Variants in CACNB2 observed in about 807,000 individuals in gnomAD.
CACNB2 encodes the protein voltage-dependent L-type calcium channel subunit beta-2.
CACNB2 carries 42 observed loss-of-function variants against 73.3 expected under a neutral mutation model. The observed-to-expected ratio is 0.57, with a 90% CI of 0.45 to 0.74. The LOEUF (loss-of-function observed/expected upper bound fraction) is 0.74. Among genes scored for constraint, CACNB2 ranks in the 30% least tolerant of loss-of-function variants. CACNB2 has a pLI of 0.00. For synonymous variants in CACNB2, 348 were observed against 310.3 expected (o/e 1.12, Z -1.28); for missense variants, 940 against 853.0 (o/e 1.10, Z -1.27).
intron 3 of CACNB2, 120 bp downstream of exon 3, chr10:18,402,163 T>C: frequency 8.6e-7 from 1 of 1,163,360 alleles, no homozygotes. Flanking sequence ...TGTCTGGTTT[T>C]AGAAAGGTAC....
intron 9 of CACNB2, among the ~76,000 whole-genome samples, chr10:18,526,490 G>A (rs1164068381): frequency 6.6e-6 from 1 of 152,174 alleles, no homozygotes; most frequent in Non-Finnish European, 1.5e-5. Flanking sequence ...AACTGAAACA[G>A]ACTTTTGAAC....
chr10:18,376,357 G>A (rs1228388039), intron 2 of CACNB2, among the ~76,000 whole-genome samples: 3 of 152,184 alleles, frequency 2.0e-5, no homozygotes, highest in African/African-American at 7.2e-5. Flanking sequence ...GGGAAAGGTT[G>A]TGGTAGGGGC....
rs536461501 is a variant in CACNB2 at position 18,530,417 on chromosome 10, G to A, written c.1054+2720G>A. On this transcript the variant is annotated intron_variant, in intron 10 of 13. Coordinates refer to ENST00000324631, the MANE Select transcript of CACNB2 (RefSeq NM_201596.3). ...AGACAGAGATGGCTGGTCAGTGGTT[G>A]AGAATTCTAAAAGCAGCAGCAGACC... Among the ~76,000 whole-genome samples the A allele has an allele frequency of 2.6e-5, 4 of 151,316 alleles. No individual in the cohort carries two copies. The South Asian group carries it at 8.4e-4, about 32-fold the overall frequency.
At chr10:18,503,321 G>A (rs549111551) in intron 5 of CACNB2, among the ~76,000 whole-genome samples, 1 of 152,302 alleles carries the variant, frequency 6.6e-6, no homozygotes, top group South Asian at 2.1e-4. Flanking sequence ...TTATGGCCAA[G>A]CACGGTGGCT....
intron 2 of CACNB2, chr10:18,400,967 T>C (rs1278495654): frequency 6.2e-7 from 1 of 1,611,812 alleles, no homozygotes; most frequent in African/African-American, 1.3e-5. Context: ...TCTCCGGGGC[T>C]CAGCGCGCAC....
intron 2 of CACNB2, among the ~76,000 whole-genome samples, chr10:18,201,523 C>G (rs1273961564): frequency 6.6e-6 from 1 of 152,170 alleles, no homozygotes; most frequent in Admixed American, 6.5e-5. Flanking sequence ...GATCCTCCCA[C>G]CTTGGCCTCC....
intron 2 of CACNB2, among the ~76,000 whole-genome samples, chr10:18,171,934 A>T (rs187012294): frequency 6.6e-6 from 1 of 152,120 alleles, no homozygotes; most frequent in Non-Finnish European, 1.5e-5. Flanking sequence ...ACATTTCATA[A>T]ATACTCTGTT....
intron 12 of CACNB2, 35 bp downstream of exon 12, chr10:18,536,231 C>CAG: frequency 1.9e-6 from 1 of 518,326 alleles, no homozygotes; most frequent in South Asian, 1.7e-5. Context: ...AATCCAGTTA[C>CAG]AGAGATCAGA....
In CACNB2 at chr10:18,295,532, C is replaced by T. The variant is rs144832841; in HGVS notation, c.214-106392C>T. On this transcript the variant is annotated intron_variant, in intron 2 of 13. Transcript: ENST00000324631. ...CCTCCCAGTGTTCCATATCTATGGT[C>T]CTACATATAACAATGATTACTTGTA... is the stretch of plus-strand genomic sequence containing the variant. Among the ~76,000 whole-genome samples, 764 of 152,260 alleles carry T rather than the reference C, an allele frequency of 5.0e-3. 10 individuals carry two copies. Among genetic ancestry groups the T allele is most frequent in the African/African-American group, 0.016 (650 of 41,554 alleles).
At chr10:18,322,700 C>T (rs555594926) in intron 2 of CACNB2, among the ~76,000 whole-genome samples, 2 of 152,108 alleles carry the variant, frequency 1.3e-5, no homozygotes, top group Admixed American at 1.3e-4. Flanking sequence ...AGATGATTGT[C>T]AAAACATGAC....
chr10:18,458,999 A>G (rs2047426766), intron 3 of CACNB2, among the ~76,000 whole-genome samples: 1 of 152,054 alleles, frequency 6.6e-6, no homozygotes, highest in African/African-American at 2.4e-5. Context: ...TCCTCACCTC[A>G]GGTCATCTCC....
chr10:18,288,605 G>A lies in CACNB2; in HGVS notation c.214-113319G>A, dbSNP rs181366938. Among the ~76,000 whole-genome samples, 30 of 151,664 alleles carry A rather than the reference G, an allele frequency of 2.0e-4. No individual in the cohort carries two copies. The East Asian group carries it at 5.4e-3, about 27-fold the overall frequency. On this transcript the variant is annotated intron_variant, in intron 2 of 13. Coordinates refer to ENST00000324631, the MANE Select transcript of CACNB2 (RefSeq NM_201596.3). ...AACCACAATTATTGAACAACCATGAGTACTGTATTCCCTGAGGAGAAAAAA... is the reference window on the plus strand; with the variant it reads ...AACCACAATTATTGAACAACCATGAATACTGTATTCCCTGAGGAGAAAAAA...
intron 7 of CACNB2, among the ~76,000 whole-genome samples, chr10:18,516,308 C>T (rs1454477068): frequency 6.6e-6 from 1 of 152,084 alleles, no homozygotes; most frequent in African/African-American, 2.4e-5. Context: ...GCACAAAGCA[C>T]CAATATTCCA....
intron 3 of CACNB2, among the ~76,000 whole-genome samples, chr10:18,480,171 C>A (rs1025808511): frequency 6.6e-6 from 1 of 151,874 alleles, no homozygotes; most frequent in African/African-American, 2.4e-5. Flanking sequence ...CATTTTTTTC[C>A]AAGGGTTTTT....
At chr10:18,264,420 C>T (rs745449866) in intron 2 of CACNB2, among the ~76,000 whole-genome samples, 3 of 152,150 alleles carry the variant, frequency 2.0e-5, no homozygotes, top group Non-Finnish European at 2.9e-5. Context: ...AAGCATTGAG[C>T]TTGAAGAATG....
At chr10:18,198,060 A>C (rs1431672321) in intron 2 of CACNB2, among the ~76,000 whole-genome samples, 1 of 148,090 alleles carries the variant, frequency 6.8e-6, no homozygotes, top group African/African-American at 2.5e-5. Flanking sequence ...TAAATAATAA[A>C]TGTTAATGTA....
At chr10:18,288,254 T>C (rs1297688937) in intron 2 of CACNB2, among the ~76,000 whole-genome samples, 1 of 152,202 alleles carries the variant, frequency 6.6e-6, no homozygotes, top group East Asian at 1.9e-4. Context: ...ATCAGAACAT[T>C]GTAATTCAAA....
chr10:18,310,276 G>A (rs538835278), intron 2 of CACNB2, among the ~76,000 whole-genome samples: 4 of 152,118 alleles, frequency 2.6e-5, no homozygotes, highest in South Asian at 4.2e-4. Context: ...TAGGTTTACT[G>A]TGTTGATAAA....
In CACNB2 at chr10:18,246,417, T is replaced by G. The variant is rs543578148; in HGVS notation, c.213+95442T>G. Among the ~76,000 whole-genome samples the G allele has an allele frequency of 5.3e-5, 8 of 152,224 alleles. No individual in the cohort carries two copies. In the South Asian group the frequency reaches 1.7e-3, roughly 32 times the overall value. ...TCTCTCTTTCTTTTAAAAAAAAACA[T>G]TTTTACAATGTCTTCTCTACTTCCT... On this transcript the variant is annotated intron_variant, in intron 2 of 13. Transcript: ENST00000324631.
Sources: gnomAD v4.1 joint callset for allele counts (sites outside exome capture counted in the v4.1 genomes callset) on GRCh38, gnomAD v4.1.1 for gene constraint, MANE v1.5 for transcripts, NCBI Gene and HGNC (gene_info 2026-07-23, HGNC 2026-07-21) for gene names.